SUGCT: variants seen among roughly 807,000 people sequenced by gnomAD.
The protein encoded by SUGCT is succinyl-CoA:glutarate CoA-transferase.
In SUGCT, 41 loss-of-function variants were observed where a neutral mutation model predicts 55.0. That is an observed-to-expected ratio of 0.74 (90% confidence interval 0.58 to 0.97). The LOEUF (loss-of-function observed/expected upper bound fraction) is 0.97. Ranked by LOEUF, SUGCT falls within the 50% of genes least tolerant of loss-of-function variation. SUGCT has a pLI of 0.00. For missense variants in SUGCT, 568 were observed against 547.8 expected, an observed-to-expected ratio of 1.04 and a Z score of -0.37; for synonymous variants, 187 against 200.4, an observed-to-expected ratio of 0.93 and a Z score of 0.56.
intron 9 of SUGCT, among the ~76,000 whole-genome samples, chr7:40,438,546 C>T (rs1788298139): frequency 6.6e-6 from 1 of 152,134 alleles, no homozygotes; most frequent in African/African-American, 2.4e-5. Flanking sequence ...AGAAGGATGT[C>T]TTTCTTCGGG....
chr7:40,366,926 A>T (rs181978971), intron 9 of SUGCT, among the ~76,000 whole-genome samples: 125 of 152,330 alleles, frequency 8.2e-4, no homozygotes, highest in African/African-American at 2.9e-3. Context: ...TATATACCCG[A>T]AGGACTATAA....
chr7:40,414,894 GT>G (rs1786884945), intron 9 of SUGCT, among the ~76,000 whole-genome samples: 1 of 151,738 alleles, frequency 6.6e-6, no homozygotes, highest in African/African-American at 2.4e-5. Context: ...AATACAAAAA[GT>G]TTAGCCAGGA....
intron 9 of SUGCT, among the ~76,000 whole-genome samples, chr7:40,420,162 G>T (rs532174291): frequency 1.3e-5 from 2 of 152,144 alleles, no homozygotes; most frequent in South Asian, 4.2e-4. Context: ...TTTTTGAAGT[G>T]TGAGAATGAG....
the SUGCT span, among the ~76,000 whole-genome samples, chr7:41,005,026 A>G: frequency 1.3e-5 from 2 of 152,208 alleles, no homozygotes; most frequent in Non-Finnish European, 2.9e-5. Context: ...AAAAATGGCA[A>G]GCAACTGCGT....
At chr7:40,676,014 G>A (rs1783960178) in intron 12 of SUGCT, among the ~76,000 whole-genome samples, 1 of 152,142 alleles carries the variant, frequency 6.6e-6, no homozygotes, top group African/African-American at 2.4e-5. Context: ...ATAAAAATGA[G>A]TAATACCAAA....
intron 9 of SUGCT, among the ~76,000 whole-genome samples, chr7:40,371,852 A>G (rs182306547): frequency 1.3e-5 from 2 of 152,116 alleles, no homozygotes; most frequent in Admixed American, 6.6e-5. Context: ...CTTCCATCTA[A>G]TTTAAAAATC....
chr7:40,181,048 C>A, intron 2 of SUGCT, 50 bp downstream of exon 2: 1 of 1,326,652 alleles, frequency 7.5e-7, no homozygotes, highest in Non-Finnish European at 1.1e-6. Context: ...TCCCTTTCCT[C>A]AAAAACTTTT....
intron 13 of SUGCT, among the ~76,000 whole-genome samples, chr7:40,822,737 A>G (rs1330207757): frequency 6.6e-6 from 1 of 152,060 alleles, no homozygotes; most frequent in Non-Finnish European, 1.5e-5. Flanking sequence ...TCATCAGTGG[A>G]CTCTCCTATC....
At chr7:40,662,782 T>C (rs1164985692) in intron 12 of SUGCT, among the ~76,000 whole-genome samples, 1 of 152,216 alleles carries the variant, frequency 6.6e-6, no homozygotes, top group Non-Finnish European at 1.5e-5. Flanking sequence ...TGAAATGATC[T>C]CAACATATTT....
intron 1 of SUGCT, among the ~76,000 whole-genome samples, chr7:40,176,839 G>T (rs1784947577): frequency 6.6e-6 from 1 of 151,772 alleles, no homozygotes; most frequent in Non-Finnish European, 1.5e-5. Context: ...TGGGCCTGGT[G>T]GCAGGTGCCT....
the SUGCT span, among the ~76,000 whole-genome samples, chr7:40,947,500 CTT>C: frequency 6.8e-6 from 1 of 146,000 alleles, no homozygotes; most frequent in Non-Finnish European, 1.5e-5. Context: ...TACTTTCTCT[CTT>C]TTTTTTTTTG....
At chr7:40,869,414 C>G in the SUGCT span, among the ~76,000 whole-genome samples, 7 of 152,212 alleles carry the variant, frequency 4.6e-5, no homozygotes, top group African/African-American at 1.7e-4. Flanking sequence ...AAACAGGGAC[C>G]TCAGTCCTAC....
intron 7 of SUGCT, among the ~76,000 whole-genome samples, chr7:40,240,965 T>C (rs1789342086): frequency 6.6e-6 from 1 of 152,160 alleles, no homozygotes; most frequent in Admixed American, 6.6e-5. Context: ...TCTGGTAGTT[T>C]TGAAGAGCCA....
the SUGCT span, among the ~76,000 whole-genome samples, chr7:40,967,517 C>A: frequency 2.0e-5 from 3 of 152,226 alleles, no homozygotes; most frequent in African/African-American, 7.2e-5. Flanking sequence ...CACACCCTCA[C>A]CCTCAATCAA....
At chr7:40,614,689 A>G (rs1798912797) in intron 12 of SUGCT, among the ~76,000 whole-genome samples, 1 of 152,226 alleles carries the variant, frequency 6.6e-6, no homozygotes, top group Non-Finnish European at 1.5e-5. Context: ...TTGAAAATAA[A>G]GAGGAAAATG....
At chr7:40,769,152 C>A (rs902602916) in intron 13 of SUGCT, among the ~76,000 whole-genome samples, 3 of 151,870 alleles carry the variant, frequency 2.0e-5, no homozygotes, top group Non-Finnish European at 4.4e-5. Context: ...TCGAACATAG[C>A]AGTAATAGTA....
the SUGCT span, among the ~76,000 whole-genome samples, chr7:41,037,780 C>T: frequency 7.9e-5 from 12 of 151,006 alleles, no homozygotes; most frequent in Admixed American, 4.0e-4. Flanking sequence ...GAGTATCCCT[C>T]CAGCTTTTCT....
chr7:40,297,525 T>G (rs1207122340), intron 8 of SUGCT, among the ~76,000 whole-genome samples: 6 of 152,184 alleles, frequency 3.9e-5, no homozygotes, highest in Non-Finnish European at 8.8e-5. Context: ...TGAGCTGTGA[T>G]GCAAATCTGA....
chr7:40,711,641 C>T (rs1785728030), intron 12 of SUGCT, among the ~76,000 whole-genome samples: 1 of 152,204 alleles, frequency 6.6e-6, no homozygotes, highest in South Asian at 2.1e-4. Flanking sequence ...CATAGACCTC[C>T]ATTCCTCCAT....
Sources: gnomAD v4.1 joint callset for allele counts (sites outside exome capture counted in the v4.1 genomes callset) on GRCh38, gnomAD v4.1.1 for gene constraint, MANE v1.5 for transcripts, NCBI Gene and HGNC (gene_info 2026-07-23, HGNC 2026-07-21) for gene names.